The following ZNF804B variants were observed in gnomAD, a reference collection of about 807,000 sequenced individuals.
ZNF804B encodes zinc finger protein 804B, also known as zinc finger 804B.
Under a neutral mutation model 101.4 loss-of-function variants are expected in ZNF804B, and 80 were observed. That is an observed-to-expected ratio of 0.79 (90% CI 0.66 to 0.95). The LOEUF (loss-of-function observed/expected upper bound fraction) is 0.95. Among genes scored for constraint, ZNF804B ranks in the 40% least tolerant of loss-of-function variants. The pLI is 0.00. For missense variants in ZNF804B, 1,673 were observed against 1,561.9 expected, an observed-to-expected ratio of 1.07 and a Z score of -1.20; for synonymous variants, 622 against 558.8, an observed-to-expected ratio of 1.11 and a Z score of -1.59.
intron 1 of ZNF804B, among the ~76,000 whole-genome samples, chr7:88,808,774 T>G (rs547382393): frequency 2.1e-4 from 32 of 152,162 alleles, no homozygotes; most frequent in Non-Finnish European, 3.2e-4. Context: ...GATAGCAGGA[T>G]GAAAGTTAAC....
chr7:88,998,080 G>A (rs1049385777), intron 1 of ZNF804B, among the ~76,000 whole-genome samples: 1 of 151,978 alleles, frequency 6.6e-6, no homozygotes, highest in Non-Finnish European at 1.5e-5. Flanking sequence ...TGATGTCACT[G>A]CCTGTCACCT....
At chr7:89,118,918 T>C (rs1309829271) in intron 1 of ZNF804B, among the ~76,000 whole-genome samples, 1 of 152,190 alleles carries the variant, frequency 6.6e-6, no homozygotes, top group Non-Finnish European at 1.5e-5. Flanking sequence ...GTGATGATGA[T>C]GACAAATCTG....
chr7:89,281,775 A>G (rs1790099948), intron 2 of ZNF804B, among the ~76,000 whole-genome samples: 1 of 152,178 alleles, frequency 6.6e-6, no homozygotes, highest in Non-Finnish European at 1.5e-5. Flanking sequence ...AAGAAACCCA[A>G]AGTAAGATAT....
chr7:89,294,116 A>G (rs1190893728), intron 2 of ZNF804B, among the ~76,000 whole-genome samples: 1 of 152,130 alleles, frequency 6.6e-6, no homozygotes, highest in Non-Finnish European at 1.5e-5. Context: ...GGTTTTCCTG[A>G]CACTGCAACT....
At chr7:89,317,935 T>A (rs1266443454) in intron 2 of ZNF804B, among the ~76,000 whole-genome samples, 1 of 152,154 alleles carries the variant, frequency 6.6e-6, no homozygotes, top group African/African-American at 2.4e-5. Flanking sequence ...AATAACCTAT[T>A]TGAAGAGAAG....
At chr7:89,156,811 C>T (rs998337647) in intron 1 of ZNF804B, among the ~76,000 whole-genome samples, 39 of 152,032 alleles carry the variant, frequency 2.6e-4, no homozygotes, top group Admixed American at 2.2e-3. Flanking sequence ...TGAATGCTGG[C>T]GCCTAGATAT....
intron 1 of ZNF804B, among the ~76,000 whole-genome samples, chr7:89,142,185 G>A (rs1790727746): frequency 6.6e-6 from 1 of 151,686 alleles, no homozygotes; most frequent in African/African-American, 2.4e-5. Flanking sequence ...TGCCTTTATT[G>A]GATGATAGGA....
chr7:89,080,779 T>C (rs912909113), intron 1 of ZNF804B, among the ~76,000 whole-genome samples: 4 of 151,956 alleles, frequency 2.6e-5, no homozygotes, highest in African/African-American at 9.7e-5. Context: ...TTCTTATAAA[T>C]TTTAAGTGCA....
chr7:89,220,683 A>C (rs1660650759), intron 2 of ZNF804B, among the ~76,000 whole-genome samples: 2 of 151,920 alleles, frequency 1.3e-5, no homozygotes, highest in Non-Finnish European at 2.9e-5. Context: ...ATCAACAGTA[A>C]ATTTTTAAAT....
At chr7:89,214,313 A>G (rs1312523377) in intron 1 of ZNF804B, among the ~76,000 whole-genome samples, 1 of 150,636 alleles carries the variant, frequency 6.6e-6, no homozygotes, top group Admixed American at 6.6e-5. Flanking sequence ...ATAAGCTTTC[A>G]AAACCTCTTC....
intron 1 of ZNF804B, among the ~76,000 whole-genome samples, chr7:89,200,244 C>T (rs1000090184): frequency 3.3e-5 from 5 of 151,866 alleles, no homozygotes; most frequent in African/African-American, 7.2e-5. Flanking sequence ...ATGCTTCCTT[C>T]GTTTCTCAAG....
Position 89,337,074 on chromosome 7 carries a change from C to T in ZNF804B, c.*42C>T. 1 of 1,540,936 alleles carries T rather than the reference C, an allele frequency of 6.5e-7. No individual in the cohort carries two copies. The highest frequency in any genetic ancestry group is 8.8e-7 in the Non-Finnish European group (1 of 1,137,688). On this transcript the variant is annotated 3_prime_UTR_variant, in exon 4 of 4. Coordinates refer to ENST00000333190, the MANE Select transcript of ZNF804B (RefSeq NM_181646.5). ...TCCTGTGGATAATTTTTTTAATTGT[C>T]ACTACCTATAAAATCATACATTTAA...
At chr7:88,772,725 C>T (rs1790086836) in intron 1 of ZNF804B, among the ~76,000 whole-genome samples, 1 of 152,144 alleles carries the variant, frequency 6.6e-6, no homozygotes, top group Non-Finnish European at 1.5e-5. Context: ...AAGGAAAGAA[C>T]TGCAAACTCA....
At chr7:88,855,257 C>T (rs1242971493) in intron 1 of ZNF804B, among the ~76,000 whole-genome samples, 23 of 151,982 alleles carry the variant, frequency 1.5e-4, no homozygotes, top group Non-Finnish European at 2.8e-4. Flanking sequence ...ACATCCTCTC[C>T]AGCACCTGTT....
chr7:89,201,248 A>T (rs1788628166), intron 1 of ZNF804B, among the ~76,000 whole-genome samples: 1 of 152,084 alleles, frequency 6.6e-6, no homozygotes, highest in South Asian at 2.1e-4. Context: ...AACCCAGAGT[A>T]GTAACAGAGC....
At chr7:89,244,405 A>G (rs951648271) in intron 2 of ZNF804B, among the ~76,000 whole-genome samples, 3 of 152,132 alleles carry the variant, frequency 2.0e-5, no homozygotes, top group Admixed American at 6.5e-5. Flanking sequence ...AAATATTAGT[A>G]TATTTGAAAA....
At chr7:89,194,311 G>A (rs77341449) in intron 1 of ZNF804B, among the ~76,000 whole-genome samples, 18,239 of 151,504 alleles carry the variant, frequency 0.12, 1,155 homozygotes, top group Middle Eastern at 0.25. Context: ...AAGCTCTTTA[G>A]TTTAATTAGA....
At position 88,950,315 on chromosome 7, in the gene ZNF804B, G is replaced by T. The variant is rs1374835364; in HGVS notation, c.108+190231G>T. On this transcript the variant is annotated intron_variant, in intron 1 of 3. Transcript: ENST00000333190. ...GATTGTCTATTTATGTAACTAAACT[G>T]TCTCTGCCATTAAGTAGTTTTCAGT... Among the ~76,000 whole-genome samples the T allele has an allele frequency of 6.6e-5, 10 of 151,938 alleles. 1 individual carries two copies. The highest frequency in any genetic ancestry group is 6.8e-3 in the Middle Eastern group (2 of 294).
intron 1 of ZNF804B, among the ~76,000 whole-genome samples, chr7:89,155,554 A>C (rs996879783): frequency 6.6e-5 from 10 of 151,980 alleles, no homozygotes; most frequent in African/African-American, 2.4e-4. Context: ...CAAAACTAAT[A>C]ATTTTGTTCT....
Sources: allele counts gnomAD v4.1 joint callset (sites outside exome capture counted in the v4.1 genomes callset), GRCh38; gene constraint gnomAD v4.1.1; transcripts MANE v1.5; gene names NCBI Gene and HGNC (gene_info 2026-07-23, HGNC 2026-07-21).